LRRC14: variants seen among roughly 807,000 people sequenced by gnomAD.
LRRC14 encodes the protein leucine rich repeat containing 14, also known as leucine-rich repeat-containing protein 14.
In LRRC14, 16 loss-of-function variants were observed where a neutral mutation model predicts 25.3. The ratio of observed to expected loss-of-function variants is 0.63; its 90% CI spans 0.43 to 0.96. LRRC14 has a LOEUF of 0.96. Among genes scored for constraint, LRRC14 ranks in the 40% least tolerant of loss-of-function variants. The pLI, the probability that LRRC14 is intolerant of heterozygous loss-of-function variation, is 0.00. For missense variants in LRRC14, 594 were observed against 660.5 expected (o/e 0.90, Z 1.10); for synonymous variants, 359 against 295.1 (o/e 1.22, Z -2.22).
intron 1 of LRRC14, chr8:144,518,824 T>A (rs1815687105): frequency 6.6e-6 from 1 of 152,302 alleles, no homozygotes; most frequent in Admixed American, 6.5e-5. Context: ...AGGTACCTTG[T>A]GGCCTTGGGA....
Position 144,522,351 on chromosome 8 carries a change from T to G in LRRC14, c.*873T>G, listed in dbSNP as rs1261655432. ...TACCCCAGGATTCCCGAGTGCAACG[T>G]TCCCGGCTCGCGCCCCACACACGGC... On this transcript the variant is annotated 3_prime_UTR_variant, in exon 4 of 4. Coordinates refer to ENST00000292524, the MANE Select transcript of LRRC14 (RefSeq NM_014665.4). 25 of 1,312,444 alleles carry G rather than the reference T, an allele frequency of 1.9e-5. No homozygotes were observed. The highest frequency in any genetic ancestry group is 2.3e-5 in the Non-Finnish European group (24 of 1,028,452). 81.3% of individuals were successfully genotyped at this position (1,312,444 alleles called of 1,614,324 possible). A position where few individuals can be genotyped will look rare whatever the true frequency, so the allele number is the denominator to read the frequency against.
Position 144,523,906 on chromosome 8 carries a change from G to T in LRRC14, c.*2428G>T. 1 of 633,020 alleles carries T rather than the reference G, an allele frequency of 1.6e-6. No homozygotes were observed. Among genetic ancestry groups the T allele is most frequent in the Non-Finnish European group, 2.7e-6 (1 of 365,090 alleles). The allele number at this position is 633,020 out of a possible 1,614,324, so 39.2% of individuals were successfully genotyped here. A position where few individuals can be genotyped will look rare whatever the true frequency, so the allele number is the denominator to read the frequency against. ...TGTTAAGTCACCCTGTGGAGTTCCT[G>T]TCTTCTGTTTTCCCCAGGCAGGGTG... On this transcript the variant is annotated 3_prime_UTR_variant, in exon 4 of 4. Coordinates refer to ENST00000292524, the MANE Select transcript of LRRC14 (RefSeq NM_014665.4).
rs1397514858 is a variant in LRRC14 at position 144,524,131 on chromosome 8, G to A, written c.*2653G>A. ...GTACCTGTGAGGCGCAGGACTTGCAGACTGGCCAGGGGCTGCAGGGCCTCT... is the reference window on the plus strand; with the variant it reads ...GTACCTGTGAGGCGCAGGACTTGCAAACTGGCCAGGGGCTGCAGGGCCTCT... On this transcript the variant is annotated 3_prime_UTR_variant, in exon 4 of 4. Transcript: ENST00000292524. The A allele has an allele frequency of 6.2e-7, 1 of 1,604,356 alleles. No individual in the cohort carries two copies. Among genetic ancestry groups the A allele is most frequent in the Non-Finnish European group, 8.5e-7 (1 of 1,173,552 alleles).
At chr8:144,518,666 C>G (rs1815663545) in intron 1 of LRRC14, 1 of 152,296 alleles carries the variant, frequency 6.6e-6, no homozygotes, top group Admixed American at 6.5e-5. Flanking sequence ...GCCAGAGTGT[C>G]TTCCCCGGCC....
In LRRC14 at chr8:144,522,495, C is replaced by T; in HGVS notation, c.*1017C>T. The T allele has an allele frequency of 6.7e-7, 1 of 1,496,186 alleles. No individual in the cohort carries two copies. The highest frequency in any genetic ancestry group is 2.4e-5 in the Admixed American group (1 of 42,174). The allele number at this position is 1,496,186 out of a possible 1,614,324, so 92.7% of individuals were successfully genotyped here. A position where few individuals can be genotyped will look rare whatever the true frequency, so the allele number is the denominator to read the frequency against. ...CGGCCCTAGCAGTGGATCTCGTAGG[C>T]GACCGGCGGGGGCACGCGGAGTCCC... On this transcript the variant is annotated 3_prime_UTR_variant, in exon 4 of 4. Transcript: ENST00000292524.
At position 144,523,099 on chromosome 8, in the gene LRRC14, G is replaced by A; in HGVS notation, c.*1621G>A. The stretch of plus-strand genomic sequence containing the variant: ...GCAACCCGCCTTCTAGCTGGGCCTG[G>A]GCTCGCGGCCGGCCCTCGCGAGGCT... On this transcript the variant is annotated 3_prime_UTR_variant, in exon 4 of 4. Coordinates refer to ENST00000292524, the MANE Select transcript of LRRC14 (RefSeq NM_014665.4). 1 of 1,609,074 alleles carries A rather than the reference G, an allele frequency of 6.2e-7. No individual in the cohort carries two copies. Among genetic ancestry groups the A allele is most frequent in the African/African-American group, 1.3e-5 (1 of 75,032 alleles).
Position 144,520,557 on chromosome 8 carries a change from C to T in LRRC14, c.649C>T (p.Leu217=), listed in dbSNP as rs1815948187. The T allele has an allele frequency of 6.3e-7, 1 of 1,599,950 alleles. No individual in the cohort carries two copies. The highest frequency in any genetic ancestry group is 8.5e-7 in the Non-Finnish European group (1 of 1,179,890). Residue 217 remains leucine, a synonymous_variant, in exon 3 of 4, where the codon CTG becomes TTG. Transcript: ENST00000292524. ...CAACACTGTGGCCCTGCTGCAGCTT[C>T]TGGATGCAGGCTGCCTGCGCCGCGT... ...MRNTVALLQL[L]DAGCLRRVDL...
chr8:144,522,661 GCCGT>G lies in LRRC14; in HGVS notation c.*1186_*1189del. 1 of 1,592,764 alleles carries G rather than the reference GCCGT, an allele frequency of 6.3e-7. No individual in the cohort carries two copies. The highest frequency in any genetic ancestry group is 8.5e-7 in the Non-Finnish European group (1 of 1,171,160). The stretch of plus-strand genomic sequence containing the variant: ...CCTCTAGCTGTGCGAACGTACAGGG[GCCGT>G]CCAAGTAGTCGTTGACGAACAGCGC... On this transcript the variant is annotated 3_prime_UTR_variant, in exon 4 of 4. Transcript: ENST00000292524.
At position 144,524,286 on chromosome 8, in the gene LRRC14, A is replaced by G. The variant is rs1816259092; in HGVS notation, c.*2808A>G. 2 of 1,611,008 alleles carry G rather than the reference A, an allele frequency of 1.2e-6. No individual in the cohort carries two copies. The highest frequency in any genetic ancestry group is 1.7e-4 in the Middle Eastern group (1 of 6,060). On this transcript the variant is annotated 3_prime_UTR_variant, in exon 4 of 4. Coordinates refer to ENST00000292524, the MANE Select transcript of LRRC14 (RefSeq NM_014665.4). ...GTGAAGCTCCTGCAGTCGCTGAAGTAAGGACAGCAGATCGTGAGGAAAAAG... is the reference window on the plus strand; with the variant it reads ...GTGAAGCTCCTGCAGTCGCTGAAGTGAGGACAGCAGATCGTGAGGAAAAAG...
In LRRC14 at chr8:144,523,164, C is replaced by G. The variant is rs1816196520; in HGVS notation, c.*1686C>G. ...CAGGTCACCAATGGCTGCGGGTAGC[C>G]GGAGGCTTGGCAGGCAACCCGCAGG... On this transcript the variant is annotated 3_prime_UTR_variant, in exon 4 of 4. Coordinates refer to ENST00000292524, the MANE Select transcript of LRRC14 (RefSeq NM_014665.4). The G allele has an allele frequency of 4.3e-6, 7 of 1,610,676 alleles. No individual in the cohort carries two copies. The highest frequency in any genetic ancestry group is 5.9e-6 in the Non-Finnish European group (7 of 1,179,194).
chr8:144,518,243 C>G (rs1162167541), intron 1 of LRRC14: 4 of 152,446 alleles, frequency 2.6e-5, no homozygotes, highest in Non-Finnish European at 5.9e-5. Flanking sequence ...CCGGGCCGGT[C>G]GGAGCGGCGT....
In LRRC14 at chr8:144,523,280, C is replaced by T; in HGVS notation, c.*1802C>T. On this transcript the variant is annotated 3_prime_UTR_variant, in exon 4 of 4. Coordinates refer to ENST00000292524, the MANE Select transcript of LRRC14 (RefSeq NM_014665.4). Reference sequence around the variant, plus strand: ...GCTGCTGTGGGATACGTCCAGGAGACTCTGGAGCGCCAGGCGCGGGGGCTC... The same window carrying T: ...GCTGCTGTGGGATACGTCCAGGAGATTCTGGAGCGCCAGGCGCGGGGGCTC... 6 of 1,610,946 alleles carry T rather than the reference C, an allele frequency of 3.7e-6. No homozygotes were observed. The highest frequency in any genetic ancestry group is 5.1e-6 in the Non-Finnish European group (6 of 1,179,164).
Position 144,522,619 on chromosome 8 carries a change from G to C in LRRC14, c.*1141G>C. 1 of 1,573,028 alleles carries C rather than the reference G, an allele frequency of 6.4e-7. No homozygotes were observed. Among genetic ancestry groups the C allele is most frequent in the Non-Finnish European group, 8.6e-7 (1 of 1,162,092 alleles). The stretch of plus-strand genomic sequence containing the variant: ...GGTTGATGACGAACATCTCGTGGCC[G>C]CGCTCGTCGCGGAGCTCCTCTAGCT... On this transcript the variant is annotated 3_prime_UTR_variant, in exon 4 of 4. Transcript: ENST00000292524.
At position 144,523,979 on chromosome 8, in the gene LRRC14, G is replaced by T; in HGVS notation, c.*2501G>T. On this transcript the variant is annotated 3_prime_UTR_variant, in exon 4 of 4. Coordinates refer to ENST00000292524, the MANE Select transcript of LRRC14 (RefSeq NM_014665.4). ...ACCCACTCCCGCAGCCCTCCAGTGTGGCTGCAGGCGGTGGTGCAGCCTTCC... is the reference window on the plus strand; with the variant it reads ...ACCCACTCCCGCAGCCCTCCAGTGTTGCTGCAGGCGGTGGTGCAGCCTTCC... 1.9e-6 allele frequency: 2 copies of T among 1,072,144 alleles called. No individual in the cohort carries two copies. Among genetic ancestry groups the T allele is most frequent in the Non-Finnish European group, 2.7e-6 (2 of 740,156 alleles). The allele number at this position is 1,072,144 out of a possible 1,614,324, so 66.4% of individuals were successfully genotyped here.
chr8:144,523,454 A>AACT lies in LRRC14; in HGVS notation c.*1977_*1978insCTA. 1 of 1,500,280 alleles carries AACT rather than the reference A, an allele frequency of 6.7e-7. No homozygotes were observed. Among genetic ancestry groups the AACT allele is most frequent in the Non-Finnish European group, 8.9e-7 (1 of 1,129,208 alleles). 92.9% of individuals were successfully genotyped at this position (1,500,280 alleles called of 1,614,324 possible). On this transcript the variant is annotated 3_prime_UTR_variant, in exon 4 of 4. Transcript: ENST00000292524. ...GGCAGGTGGCTTGAGGGTGCTGCTA[A>AACT]AACAGCCTGTGCAGTTGGGGTTTTG...
rs573061722 is a variant in LRRC14 at position 144,524,507 on chromosome 8, C to T, written c.*3029C>T. On this transcript the variant is annotated 3_prime_UTR_variant, in exon 4 of 4. Coordinates refer to ENST00000292524, the MANE Select transcript of LRRC14 (RefSeq NM_014665.4). ...GGTTGCCCGCCAGGTAGAGCACGCG[C>T]AGCTGGGCCAGGCCTACGAAGGCGC... 24 of 1,596,334 alleles carry T rather than the reference C, an allele frequency of 1.5e-5. No homozygotes were observed. The Admixed American group carries it at 3.3e-4, about 22-fold the overall frequency.
chr8:144,522,933 C>A lies in LRRC14; in HGVS notation c.*1455C>A. ...TGCGGCTGCTGCCGGGACGCGTTGA[C>A]CAGGAGCCGGAAGGGCACGCGGGCA... is the stretch of plus-strand genomic sequence containing the variant. On this transcript the variant is annotated 3_prime_UTR_variant, in exon 4 of 4. Transcript: ENST00000292524. 6.5e-7 allele frequency: 1 copy of A among 1,536,746 alleles called. No individual in the cohort carries two copies. The highest frequency in any genetic ancestry group is 8.7e-7 in the Non-Finnish European group (1 of 1,151,608).
Position 144,524,661 on chromosome 8 carries a change from A to G in LRRC14, c.*3183A>G, listed in dbSNP as rs1045223025. On this transcript the variant is annotated 3_prime_UTR_variant, in exon 4 of 4. Coordinates refer to ENST00000292524, the MANE Select transcript of LRRC14 (RefSeq NM_014665.4). ...CAGGTAGAGCCGGCGCAGAGCGGCGAGTGGCGCCAGGGCTCCCGGCTCTAG... is the reference window on the plus strand; with the variant it reads ...CAGGTAGAGCCGGCGCAGAGCGGCGGGTGGCGCCAGGGCTCCCGGCTCTAG... 2.7e-6 allele frequency: 4 copies of G among 1,494,584 alleles called. No homozygotes were observed. In the Admixed American group the frequency reaches 9.8e-5, roughly 36 times the overall value. 92.6% of individuals were successfully genotyped at this position (1,494,584 alleles called of 1,614,324 possible).
Position 144,524,367 on chromosome 8 carries a change from T to C in LRRC14, c.*2889T>C, listed in dbSNP as rs998298168. 5.0e-6 allele frequency: 8 copies of C among 1,594,268 alleles called. No individual in the cohort carries two copies. The highest frequency in any genetic ancestry group is 6.8e-6 in the Non-Finnish European group (8 of 1,176,882). On this transcript the variant is annotated 3_prime_UTR_variant, in exon 4 of 4. Coordinates refer to ENST00000292524, the MANE Select transcript of LRRC14 (RefSeq NM_014665.4). ...TTACCAAGCTAGACTGGGTTGCCTT[T>C]TCTAACTATTCCAGCCCTACAGGGC... is the stretch of plus-strand genomic sequence containing the variant.
Sources: gnomAD v4.1 joint callset for allele counts on GRCh38, gnomAD v4.1.1 for gene constraint, MANE v1.5 for transcripts, NCBI Gene and HGNC (gene_info 2026-07-23, HGNC 2026-07-21) for gene names.